The following DENR variants were observed in gnomAD, a reference collection of about 807,000 sequenced individuals.
DENR encodes the protein density regulated re-initiation and release factor, also known as density-regulated protein.
A neutral mutation model predicts 30.6 loss-of-function variants in DENR; 6 were observed. The observed-to-expected ratio is 0.20, with a 90% CI of 0.11 to 0.39. DENR has a LOEUF of 0.39. Among genes scored for constraint, DENR ranks in the 10% least tolerant of loss-of-function variants. The pLI is 1.00. For missense variants in DENR, 141 were observed against 230.9 expected, an observed-to-expected ratio of 0.61 and a Z score of 2.52; for synonymous variants, 78 against 72.1, an observed-to-expected ratio of 1.08 and a Z score of -0.41.
intron 2 of DENR, among the ~76,000 whole-genome samples, chr12:122,756,755 TGG>T (rs1265918553): frequency 2.0e-5 from 3 of 152,216 alleles, no homozygotes; most frequent in African/African-American, 7.2e-5. Context: ...CAACGTGGTT[TGG>T]GGCCAAGTTC....
At position 122,758,857 on chromosome 12, in the gene DENR, T is replaced by A. The variant is rs916626403; in HGVS notation, c.107-3330T>A. Among the ~76,000 whole-genome samples the A allele has an allele frequency of 6.0e-4, 91 of 151,490 alleles. 2 individuals carry two copies. The East Asian group carries it at 0.016, about 27-fold the overall frequency. ...AGGCTTAATTTTTTATTTATTTATT[T>A]TTTTTTTGAGTTGGAGTCTTGCCCT... On this transcript the variant is annotated intron_variant, in intron 2 of 7. Transcript: ENST00000280557.
At chr12:122,765,432 C>A in intron 5 of DENR, 45 bp downstream of exon 5, 1 of 1,465,270 alleles carries the variant, frequency 6.8e-7, no homozygotes, top group Non-Finnish European at 9.3e-7. Flanking sequence ...CATACCGTCA[C>A]TGCGATAGAA....
chr12:122,753,849 T>A (rs1415232101), intron 2 of DENR, 42 bp downstream of exon 2: 1 of 1,425,388 alleles, frequency 7.0e-7, no homozygotes, highest in Non-Finnish European at 9.9e-7. Context: ...CTCACTATAC[T>A]TTTATGCATT....
At chr12:122,762,256 G>T in intron 3 of DENR, 50 bp downstream of exon 3, 20 of 1,231,134 alleles carry the variant, frequency 1.6e-5, no homozygotes, top group Admixed American at 8.4e-5. Context: ...AGTTATTCTT[G>T]GTTTTAAAGC....
At chr12:122,759,407 T>C (rs1034882249) in intron 2 of DENR, among the ~76,000 whole-genome samples, 2 of 152,146 alleles carry the variant, frequency 1.3e-5, no homozygotes, top group Admixed American at 1.3e-4. Flanking sequence ...CCAATTTTTT[T>C]ATTGCATTAG....
At position 122,769,094 on chromosome 12, in the gene DENR, T is replaced by G. The variant is rs373554836; in HGVS notation, c.*16T>G. Reference sequence around the variant, plus strand: ...AAAGAAGTGAATTTGAAAATTTGTCTGTATTTAATGGCCTGAACTGAGAGT... The same window carrying G: ...AAAGAAGTGAATTTGAAAATTTGTCGGTATTTAATGGCCTGAACTGAGAGT... On this transcript the variant is annotated 3_prime_UTR_variant, in exon 8 of 8. Transcript: ENST00000280557. 1.7e-5 allele frequency: 27 copies of G among 1,606,058 alleles called. No homozygotes were observed. Among genetic ancestry groups the G allele is most frequent in the Non-Finnish European group, 2.2e-5 (26 of 1,177,340 alleles).
chr12:122,764,865 G>A (rs953934646), intron 4 of DENR, among the ~76,000 whole-genome samples: 3 of 152,158 alleles, frequency 2.0e-5, no homozygotes, highest in Non-Finnish European at 4.4e-5. Context: ...CTCCATCACT[G>A]TCAGTGGTTG....
chr12:122,757,168 C>T (rs926768256), intron 2 of DENR, among the ~76,000 whole-genome samples: 1 of 152,268 alleles, frequency 6.6e-6, no homozygotes, highest in African/African-American at 2.4e-5. Context: ...ATTCCTTCCC[C>T]CTCCCTCCCT....
chr12:122,769,332 T>C lies in DENR; in HGVS notation c.*254T>C. The C allele has an allele frequency of 1.0e-6, 1 of 952,744 alleles. No homozygotes were observed. The highest frequency in any genetic ancestry group is 1.2e-6 in the Non-Finnish European group (1 of 814,670). 59.0% of individuals were successfully genotyped at this position (952,744 alleles called of 1,614,324 possible). A position where few individuals can be genotyped will look rare whatever the true frequency, so the allele number is the denominator to read the frequency against. Reference sequence around the variant, plus strand: ...CACATATGTATACATATATATATATTCTACAGTAAAACTGTAGACTGTCCT... The same window carrying C: ...CACATATGTATACATATATATATATCCTACAGTAAAACTGTAGACTGTCCT... On this transcript the variant is annotated 3_prime_UTR_variant, in exon 8 of 8. Coordinates refer to ENST00000280557, the MANE Select transcript of DENR (RefSeq NM_003677.5).
chr12:122,769,233 T>A lies in DENR; in HGVS notation c.*155T>A. On this transcript the variant is annotated 3_prime_UTR_variant, in exon 8 of 8. Transcript: ENST00000280557. The stretch of plus-strand genomic sequence containing the variant: ...ATATACACATGTATATATACATGTG[T>A]GTATGTATACATGTATATATATATA... The A allele has an allele frequency of 1.3e-6, 1 of 782,170 alleles. No individual in the cohort carries two copies. The highest frequency in any genetic ancestry group is 1.6e-6 in the Non-Finnish European group (1 of 635,970). The allele number at this position is 782,170 out of a possible 1,614,324, so 48.5% of individuals were successfully genotyped here. A position where few individuals can be genotyped will look rare whatever the true frequency, so the allele number is the denominator to read the frequency against.
Position 122,769,188 on chromosome 12 carries a change from A to G in DENR, c.*110A>G. The G allele has an allele frequency of 1.9e-6, 2 of 1,042,492 alleles. No individual in the cohort carries two copies. Among genetic ancestry groups the G allele is most frequent in the Non-Finnish European group, 2.5e-6 (2 of 798,166 alleles). The allele number at this position is 1,042,492 out of a possible 1,614,324, so 64.6% of individuals were successfully genotyped here. A position where few individuals can be genotyped will look rare whatever the true frequency, so the allele number is the denominator to read the frequency against. On this transcript the variant is annotated 3_prime_UTR_variant, in exon 8 of 8. Transcript: ENST00000280557. ...TATACACATATATATGTATATATAC[A>G]CATATATGTATGTATACACATATAC...
chr12:122,761,306 G>T (rs1345051217), intron 2 of DENR, among the ~76,000 whole-genome samples: 1 of 152,162 alleles, frequency 6.6e-6, no homozygotes, highest in Non-Finnish European at 1.5e-5. Context: ...CAGCTACTTG[G>T]GAGGCTGAGG....
rs1555252707 is a variant in DENR, at chr12:122,769,514, CT to C, written c.*448del. 55,519 of 561,562 alleles carry C rather than the reference CT, an allele frequency of 0.099. 1 individual carries two copies. The highest frequency in any genetic ancestry group is 0.11 in the Non-Finnish European group (51,230 of 446,304). The allele number at this position is 561,562 out of a possible 1,614,324, so 34.8% of individuals were successfully genotyped here. On this transcript the variant is annotated 3_prime_UTR_variant, in exon 8 of 8. Coordinates refer to ENST00000280557, the MANE Select transcript of DENR (RefSeq NM_003677.5). ...TGACTTTCTCTCTCTCTCTCTCTCT[CT>C]TTTTTTTTTTTGACAGAGTCTCGCA...
At chr12:122,761,132 C>T (rs567528033) in intron 2 of DENR, among the ~76,000 whole-genome samples, 9 of 151,986 alleles carry the variant, frequency 5.9e-5, no homozygotes, top group African/African-American at 9.7e-5. Flanking sequence ...AAAAAATAGG[C>T]CAGGTGCGGT....
intron 5 of DENR, among the ~76,000 whole-genome samples, chr12:122,767,205 T>C (rs1047853633): frequency 2.6e-5 from 4 of 152,260 alleles, no homozygotes. Context: ...TATTATTGTA[T>C]GTATCAGGTT....
intron 2 of DENR, among the ~76,000 whole-genome samples, chr12:122,758,203 C>T (rs1018293272): frequency 2.6e-5 from 4 of 152,112 alleles, no homozygotes; most frequent in Admixed American, 1.3e-4. Context: ...TCCCGAGTAG[C>T]GGAGATTACA....
rs1264483251 is a variant in DENR, at chr12:122,770,458, G to A, written c.*1380G>A. 1 of 396,050 alleles carries A rather than the reference G, an allele frequency of 2.5e-6. No individual in the cohort carries two copies. Among genetic ancestry groups the A allele is most frequent in the East Asian group, 3.6e-5 (1 of 27,950 alleles). The allele number at this position is 396,050 out of a possible 1,614,324, so 24.5% of individuals were successfully genotyped here. On this transcript the variant is annotated 3_prime_UTR_variant, in exon 8 of 8. Transcript: ENST00000280557. Reference sequence around the variant, plus strand: ...CTCTGAGTGGAAGGCCGTTCAGAGAGGCTAGAGGTTCTTATTCTGGCTATA... The same window carrying A: ...CTCTGAGTGGAAGGCCGTTCAGAGAAGCTAGAGGTTCTTATTCTGGCTATA...
intron 2 of DENR, among the ~76,000 whole-genome samples, chr12:122,758,839 A>ATTTT (rs1326385469): frequency 1.8e-5 from 2 of 109,060 alleles, no homozygotes; most frequent in African/African-American, 8.3e-5. Flanking sequence ...TAGAGGCTTA[A>ATTTT]TTTTTTATTT....
intron 2 of DENR, among the ~76,000 whole-genome samples, chr12:122,758,366 G>C (rs1227062463): frequency 6.7e-6 from 1 of 148,828 alleles, no homozygotes; most frequent in Non-Finnish European, 1.5e-5. Flanking sequence ...CACCAGACCC[G>C]GCCATTCTGA....
Sources: gnomAD v4.1 joint callset for allele counts (sites outside exome capture counted in the v4.1 genomes callset) on GRCh38, gnomAD v4.1.1 for gene constraint, MANE v1.5 for transcripts, NCBI Gene and HGNC (gene_info 2026-07-23, HGNC 2026-07-21) for gene names.